The following AASDH variants were observed in gnomAD, a reference collection of about 807,000 sequenced individuals.
AASDH encodes the protein aminoadipate-semialdehyde dehydrogenase.
In AASDH, 81 loss-of-function variants were observed where a neutral mutation model predicts 102.3. The observed-to-expected ratio is 0.79, with a 90% CI of 0.66 to 0.95. The LOEUF is 0.95. AASDH is among the 40% of genes least tolerant of loss of function. AASDH has a pLI of 0.00. For missense variants in AASDH, 1,203 were observed against 1,266.2 expected (o/e 0.95, Z 0.76); for synonymous variants, 398 against 454.0 (o/e 0.88, Z 1.57).
chr4:56,349,314 G>T lies in AASDH; in HGVS notation c.2437C>A (p.Arg813=), dbSNP rs75819972. 1.3e-3 allele frequency: 2,173 copies of T among 1,614,026 alleles called. 36 individuals are homozygous for T. In the East Asian group the frequency reaches 0.029, roughly 21 times the overall value. Residue 813 remains arginine (R), a synonymous_variant, in exon 11 of 15, where the codon CGA becomes AGA. Coordinates refer to ENST00000205214, the MANE Select transcript of AASDH (RefSeq NM_181806.4). ...KVKWEQILGD[R]IESSACVSKC... ...GATACACATGCTGAGGATTCAATTC[G>T]ATCTCCCAAAATCTGTTCCCATTTT... is the stretch of plus-strand genomic sequence containing the variant.
At chr4:56,380,716 G>A (rs1259243968) in intron 3 of AASDH, among the ~76,000 whole-genome samples, 1 of 152,190 alleles carries the variant, frequency 6.6e-6, no homozygotes, top group Non-Finnish European at 1.5e-5. Flanking sequence ...CCTGTCCGTA[G>A]TGCAAGGTTT....
chr4:56,343,294 G>A (rs1747914795), intron 13 of AASDH, among the ~76,000 whole-genome samples: 1 of 151,972 alleles, frequency 6.6e-6, no homozygotes, highest in Non-Finnish European at 1.5e-5. Context: ...AGCTGAGATT[G>A]CGCCACTGCA....
chr4:56,365,997 A>G (rs1299728886), intron 5 of AASDH, among the ~76,000 whole-genome samples: 4 of 152,338 alleles, frequency 2.6e-5, no homozygotes, highest in East Asian at 3.9e-4. Flanking sequence ...AAGAAAAGAG[A>G]GAAGAATCAA....
intron 11 of AASDH, among the ~76,000 whole-genome samples, chr4:56,348,216 T>C (rs1367557141): frequency 2.0e-5 from 3 of 151,260 alleles, no homozygotes; most frequent in Non-Finnish European, 2.9e-5. Context: ...AGGTGGAGCC[T>C]AATTCTCTTC....
At chr4:56,375,986 C>G (rs1235948271) in intron 4 of AASDH, among the ~76,000 whole-genome samples, 1 of 150,568 alleles carries the variant, frequency 6.6e-6, no homozygotes. Context: ...CCCCTTCTAC[C>G]AATTCCCCAC....
Position 56,338,642 on chromosome 4 carries a change from C to CCTT in AASDH, c.3054_3056dup (p.Arg1019dup). The CCTT allele has an allele frequency of 2.5e-6, 4 of 1,614,146 alleles. No homozygotes were observed. Among genetic ancestry groups the CCTT allele is most frequent in the Non-Finnish European group, 3.4e-6 (4 of 1,180,030 alleles). On this transcript the variant is annotated inframe_insertion, in exon 15 of 15. Transcript: ENST00000205214. Reference sequence around the variant, plus strand: ...GGAAAGCAAACGGTGTTGCATAGACCCTTGAAGTAGTTTCAAATTTCCACT... The same window carrying CCTT: ...GGAAAGCAAACGGTGTTGCATAGACCCTTCTTGAAGTAGTTTCAAATTTCCACT...
chr4:56,360,243 T>A (rs1397859560), intron 5 of AASDH, among the ~76,000 whole-genome samples: 1 of 152,170 alleles, frequency 6.6e-6, no homozygotes, highest in African/African-American at 2.4e-5. Context: ...AGTCCTTTGG[T>A]CTCTGATTCA....
intron 14 of AASDH, among the ~76,000 whole-genome samples, chr4:56,341,416 C>CA (rs1443378569): frequency 2.1e-5 from 1 of 47,964 alleles, no homozygotes; most frequent in Non-Finnish European, 4.9e-5. Context: ...TTTTTGGAGA[C>CA]AGAGTCTCGC....
At chr4:56,345,038 TTCACGCAA>T in intron 12 of AASDH, 81 bp downstream of exon 12, 2 of 1,417,140 alleles carry the variant, frequency 1.4e-6, no homozygotes, top group Non-Finnish European at 1.9e-6. Flanking sequence ...ACCTCCCAGG[TTCACGCAA>T]TCCTCCCACC....
At chr4:56,374,521 TGAA>T (rs1362051632) in intron 4 of AASDH, among the ~76,000 whole-genome samples, 1 of 152,094 alleles carries the variant, frequency 6.6e-6, no homozygotes, top group Non-Finnish European at 1.5e-5. Flanking sequence ...AGGAAGGCCA[TGAA>T]GAAGACAGAA....
At chr4:56,379,546 T>C (rs1460599681) in intron 3 of AASDH, among the ~76,000 whole-genome samples, 1 of 152,042 alleles carries the variant, frequency 6.6e-6, no homozygotes, top group Non-Finnish European at 1.5e-5. Flanking sequence ...ACTTGCTGTA[T>C]ACCCGGGGGT....
At chr4:56,368,542 A>C (rs535233671) in intron 5 of AASDH, among the ~76,000 whole-genome samples, 6 of 152,190 alleles carry the variant, frequency 3.9e-5, no homozygotes, top group East Asian at 1.9e-4. Context: ...TGCAGCCATA[A>C]AAAATGATGA....
rs1194883168 is a variant in AASDH at position 56,338,482 on chromosome 4, C to A, written c.3217G>T (p.Val1073Phe). 1 of 1,613,966 alleles carries A rather than the reference C, an allele frequency of 6.2e-7. No homozygotes were observed. Among genetic ancestry groups the A allele is most frequent in the South Asian group, 1.1e-5 (1 of 91,004 alleles). Residue 1073 changes from valine to phenylalanine, a missense_variant, in exon 15 of 15, where the codon GTC (valine) becomes TTC (phenylalanine). By Grantham distance (50) the Val-to-Phe change is conservative. Transcript: ENST00000205214. ...CCAATAATGAGCATTGATTCCAGGA[C>A]CACAGGAGAAGAGAAGACTTCTCCA... The part of the protein sequence containing the change: ...LPGEVFSSPV[V>F]LESMLIIGCR...
At chr4:56,356,843 G>C in intron 5 of AASDH, 1 of 849,044 alleles carries the variant, frequency 1.2e-6, no homozygotes. Context: ...CGTCACTGGG[G>C]CGGCAATGTC....
chr4:56,356,560 T>C, intron 5 of AASDH: 2 of 771,406 alleles, frequency 2.6e-6, no homozygotes, highest in South Asian at 2.8e-5. Context: ...GTTAACACCA[T>C]CAACACCTTG....
chr4:56,359,511 C>T (rs1223403111), intron 5 of AASDH, among the ~76,000 whole-genome samples: 2 of 151,792 alleles, frequency 1.3e-5, no homozygotes, highest in African/African-American at 4.8e-5. Context: ...CACCTCGGCC[C>T]CCCAGAGTGC....
At chr4:56,376,149 G>A (rs887385762) in intron 4 of AASDH, among the ~76,000 whole-genome samples, 7 of 151,094 alleles carry the variant, frequency 4.6e-5, no homozygotes, top group African/African-American at 7.3e-5. Context: ...TCAACCTCCC[G>A]AGTTGCTAGG....
intron 5 of AASDH, among the ~76,000 whole-genome samples, chr4:56,363,171 G>C (rs1750528113): frequency 6.6e-6 from 1 of 152,216 alleles, no homozygotes; most frequent in Non-Finnish European, 1.5e-5. Flanking sequence ...CAGCGAGGCT[G>C]GGGGAGGGGC....
chr4:56,363,425 C>T (rs2109936291), intron 5 of AASDH, among the ~76,000 whole-genome samples: 1 of 152,368 alleles, frequency 6.6e-6, no homozygotes, highest in Admixed American at 6.5e-5. Flanking sequence ...AGACTGCCTC[C>T]TCAAGTGGGT....
Sources: gnomAD v4.1 joint callset for allele counts (sites outside exome capture counted in the v4.1 genomes callset) on GRCh38, gnomAD v4.1.1 for gene constraint, MANE v1.5 for transcripts, NCBI Gene and HGNC (gene_info 2026-07-23, HGNC 2026-07-21) for gene names.